PRSS3: variants seen among roughly 807,000 people sequenced by gnomAD.
PRSS3 encodes serine protease 3.
In PRSS3, 14 loss-of-function variants were observed where a neutral mutation model predicts 20.8. The ratio of observed to expected loss-of-function variants is 0.67; its 90% CI spans 0.44 to 1.05. PRSS3 has a LOEUF of 1.05. Ranked by LOEUF, PRSS3 falls within the 50% of genes least tolerant of loss-of-function variation. PRSS3 has a pLI of 0.00. For synonymous variants in PRSS3, 91 were observed against 117.6 expected (o/e 0.77, Z 1.46); for missense variants, 237 against 306.4 (o/e 0.77, Z 1.69).
chr9:33,769,449 T>A (rs1265835298), intron 1 of PRSS3, among the ~76,000 whole-genome samples: 3 of 152,110 alleles, frequency 2.0e-5, no homozygotes, highest in African/African-American at 4.8e-5. Context: ...CCCCTATGGA[T>A]TGCATAGGAG....
At chr9:33,756,127 A>G (rs1822934207) in intron 1 of PRSS3, among the ~76,000 whole-genome samples, 1 of 152,176 alleles carries the variant, frequency 6.6e-6, no homozygotes, top group Admixed American at 6.5e-5. Flanking sequence ...CCCATTTAAG[A>G]TGTCACTTTT....
upstream of PRSS3, among the ~76,000 whole-genome samples, chr9:33,792,296 G>A (rs1345417832): frequency 6.6e-6 from 1 of 151,972 alleles, no homozygotes; most frequent in African/African-American, 2.4e-5. Flanking sequence ...TTGACTAAGA[G>A]CTTAGGAGAA....
At position 33,784,405 on chromosome 9, in the gene PRSS3, G is replaced by A. The variant is rs1431505849; in HGVS notation, c.-52-10341G>A. ...CAAGAAAAACTGAAATATTCTATACGTTTTACTACTTCCACTTAGCAGAGT... is the reference window on the plus strand; with the variant it reads ...CAAGAAAAACTGAAATATTCTATACATTTTACTACTTCCACTTAGCAGAGT... On this transcript the variant is annotated intron_variant, in intron 1 of 5. Coordinates refer to the PRSS3 transcript ENST00000342836. Among the ~76,000 whole-genome samples the A allele has an allele frequency of 3.9e-5, 6 of 152,128 alleles. No individual in the cohort carries two copies. The South Asian group carries it at 8.3e-4, about 21-fold the overall frequency.
intron 1 of PRSS3, among the ~76,000 whole-genome samples, chr9:33,772,421 G>A (rs1015724719): frequency 1.3e-5 from 2 of 152,124 alleles, no homozygotes; most frequent in Non-Finnish European, 2.9e-5. Flanking sequence ...ACTCAGAGAA[G>A]CCAGAGTGCC....
chr9:33,760,020 G>A (rs1474924218), intron 1 of PRSS3, among the ~76,000 whole-genome samples: 1 of 152,228 alleles, frequency 6.6e-6, no homozygotes, highest in Non-Finnish European at 1.5e-5. Context: ...TTGAAGAAAT[G>A]TTCCTTAGTG....
In PRSS3 at chr9:33,750,999, C is replaced by A; in HGVS notation, c.-53+272C>A. The A allele has an allele frequency of 1.5e-6, 1 of 651,376 alleles. No homozygotes were observed. The highest frequency in any genetic ancestry group is 2.3e-6 in the Non-Finnish European group (1 of 443,310). The allele number at this position is 651,376 out of a possible 1,614,324, so 40.3% of individuals were successfully genotyped here. On this transcript the variant is annotated intron_variant, in intron 1 of 5. Transcript: ENST00000342836. The surrounding 1 kb of genome is among the most constrained non-coding windows in gnomAD (Gnocchi z 4.8). ...CTCCGGGCTGCGGCACCGATGCGCA[C>A]ACTACTCCCACCGCCCCCGAGTGCC... is the stretch of plus-strand genomic sequence containing the variant.
At chr9:33,781,789 C>T (rs1488815548) in intron 1 of PRSS3, among the ~76,000 whole-genome samples, 2 of 152,178 alleles carry the variant, frequency 1.3e-5, no homozygotes, top group Non-Finnish European at 2.9e-5. Context: ...GGTATATGAA[C>T]ACACAAAGAA....
upstream of PRSS3, among the ~76,000 whole-genome samples, chr9:33,791,818 C>T (rs1265207567): frequency 1.3e-5 from 2 of 152,188 alleles, no homozygotes; most frequent in African/African-American, 4.8e-5. Flanking sequence ...TCCCCATTTA[C>T]CCATACATGG....
chr9:33,760,531 G>C (rs1459771356), intron 1 of PRSS3, among the ~76,000 whole-genome samples: 1 of 152,036 alleles, frequency 6.6e-6, no homozygotes, highest in East Asian at 1.9e-4. Flanking sequence ...TGGATCATGA[G>C]GTCAGGAGAT....
chr9:33,775,654 C>G (rs10758232), intron 1 of PRSS3, among the ~76,000 whole-genome samples: 52,556 of 151,228 alleles, frequency 0.35, 9,358 homozygotes, highest in East Asian at 0.58. Context: ...TTCTCCAAGC[C>G]CCACACAGAT....
chr9:33,752,283 C>G (rs1293544549), intron 1 of PRSS3, among the ~76,000 whole-genome samples: 14 of 152,148 alleles, frequency 9.2e-5, no homozygotes, highest in Admixed American at 9.2e-4. Flanking sequence ...TTTCTCATCT[C>G]CCCCCTACCT....
At chr9:33,757,389 T>C (rs995752664) in intron 1 of PRSS3, among the ~76,000 whole-genome samples, 1 of 152,238 alleles carries the variant, frequency 6.6e-6, no homozygotes, top group Non-Finnish European at 1.5e-5. Context: ...ACAGAATTTC[T>C]GCCCTTGAAG....
At position 33,765,714 on chromosome 9, in the gene PRSS3, T is replaced by G. The variant is rs1274600484; in HGVS notation, c.-53+14987T>G. On this transcript the variant is annotated intron_variant, in intron 1 of 5. Coordinates refer to the PRSS3 transcript ENST00000342836. Reference sequence around the variant, plus strand: ...CTCAGAATGGTGTGCAATTTAAAATTTCTAAATTATTTGTTTCTTGAAGTT... The same window carrying G: ...CTCAGAATGGTGTGCAATTTAAAATGTCTAAATTATTTGTTTCTTGAAGTT... Among the ~76,000 whole-genome samples the G allele has an allele frequency of 3.3e-5, 5 of 152,186 alleles. No homozygotes were observed. In the East Asian group the frequency reaches 9.6e-4, roughly 29 times the overall value.
At chr9:33,770,207 T>G (rs1476391656) in intron 1 of PRSS3, among the ~76,000 whole-genome samples, 1 of 152,138 alleles carries the variant, frequency 6.6e-6, no homozygotes, top group Non-Finnish European at 1.5e-5. Flanking sequence ...AGGAGATCCA[T>G]GACCACTTTC....
intron 1 of PRSS3, among the ~76,000 whole-genome samples, chr9:33,773,010 T>C (rs535786100): frequency 6.6e-6 from 1 of 152,340 alleles, no homozygotes; most frequent in African/African-American, 2.4e-5. Context: ...CTTTGTTTTT[T>C]TAAAGCACCG....
Position 33,771,641 on chromosome 9 carries a change from T to G in PRSS3, c.-53+20914T>G, listed in dbSNP as rs1009772199. Among the ~76,000 whole-genome samples, 73 of 119,238 alleles carry G rather than the reference T, an allele frequency of 6.1e-4. 3 individuals are homozygous for G. The highest frequency in any genetic ancestry group is 1.8e-3 in the South Asian group (7 of 3,862). 78.2% of individuals were successfully genotyped at this position (119,238 alleles called of 152,430 possible). A position where few individuals can be genotyped will look rare whatever the true frequency, so the allele number is the denominator to read the frequency against. ...TGCACTGGGTTTTGTTTTTTTGTTTTTTTGTTTTTTTTTTTTTTGAGACAG... is the reference window on the plus strand; with the variant it reads ...TGCACTGGGTTTTGTTTTTTTGTTTGTTTGTTTTTTTTTTTTTTGAGACAG... On this transcript the variant is annotated intron_variant, in intron 1 of 5. Coordinates refer to the PRSS3 transcript ENST00000342836.
rs747993713 is a variant in PRSS3, at chr9:33,799,044, C to T, written c.608C>T (p.Pro203Leu). The change falls in exon 5 of 5, where the codon CCT becomes CTT. Residue 203 changes from proline to leucine, a missense_variant. By Grantham distance (98) the Pro-to-Leu change is moderately conservative (BLOSUM62 -3). Transcript: ENST00000379405. Reference sequence around the variant, plus strand: ...TCTCCCCAGCGTGACTCTGGTGGCCCTGTGGTCTGCAACGGACAGCTCCAA... The same window carrying T: ...TCTCCCCAGCGTGACTCTGGTGGCCTTGTGGTCTGCAACGGACAGCTCCAA... Reference protein sequence around the residue: ...KDSCQRDSGGPVVCNGQLQGV... With the variant: ...KDSCQRDSGGLVVCNGQLQGV... 64 of 1,614,108 alleles carry T rather than the reference C, an allele frequency of 4.0e-5. No individual in the cohort carries two copies. Among genetic ancestry groups the T allele is most frequent in the Non-Finnish European group, 5.3e-5 (63 of 1,180,048 alleles).
intron 1 of PRSS3, among the ~76,000 whole-genome samples, chr9:33,788,217 G>A (rs1307445282): frequency 2.0e-5 from 3 of 152,192 alleles, no homozygotes; most frequent in African/African-American, 4.8e-5. Flanking sequence ...AGAAACTGGG[G>A]AGTACTGAGT....
chr9:33,794,285 C>T (rs1480623277), upstream of PRSS3, among the ~76,000 whole-genome samples: 2 of 152,194 alleles, frequency 1.3e-5, no homozygotes, highest in Non-Finnish European at 2.9e-5. Flanking sequence ...CACTCCTGCC[C>T]ATCACCAACC....
Sources: allele counts gnomAD v4.1 joint callset (sites outside exome capture counted in the v4.1 genomes callset), GRCh38; gene constraint gnomAD v4.1.1; non-coding constraint Gnocchi (gnomAD v3.1); transcripts MANE v1.5; gene names NCBI Gene and HGNC (gene_info 2026-07-23, HGNC 2026-07-21).